Variants in PARD3B observed in about 807,000 individuals in gnomAD.
The protein encoded by PARD3B is partitioning defective 3 homolog B.
PARD3B carries 103 observed loss-of-function variants against 130.2 expected under a neutral mutation model. The observed-to-expected ratio is 0.79, with a 90% CI of 0.67 to 0.93. The LOEUF (loss-of-function observed/expected upper bound fraction) is 0.93, where lower values mean the gene tolerates loss of function less well. Among genes scored for constraint, PARD3B ranks in the 40% least tolerant of loss-of-function variants. The probability of loss-of-function intolerance (pLI) is 0.00; values close to 1 mark genes in which losing one functional copy is unlikely to be tolerated. For synonymous variants in PARD3B, 583 were observed against 553.2 expected (o/e 1.05, Z -0.76); for missense variants, 1,609 against 1,499.2 (o/e 1.07, Z -1.21).
At position 205,460,432 on chromosome 2, in the gene PARD3B, ATG is replaced by A. The variant is rs2048413627; in HGVS notation, c.3044+19761_3044+19762del. ...GATGATGATGATGATGATGATGATG[ATG>A]ATAGTCAATAGTAGTATTTATTGTA... On this transcript the variant is annotated intron_variant, in intron 20 of 22. Coordinates refer to ENST00000406610, the MANE Select transcript of PARD3B (RefSeq NM_001302769.2). The surrounding 1 kb of genome is among the most constrained non-coding windows in gnomAD (Gnocchi z 4.9). Among the ~76,000 whole-genome samples, 1 of 151,214 alleles carries A rather than the reference ATG, an allele frequency of 6.6e-6. No homozygotes were observed. The highest frequency in any genetic ancestry group is 6.6e-5 in the Admixed American group (1 of 15,202).
intron 22 of PARD3B, among the ~76,000 whole-genome samples, chr2:205,604,593 G>A (rs961603258): frequency 2.0e-5 from 3 of 152,136 alleles, no homozygotes; most frequent in Non-Finnish European, 2.9e-5. Flanking sequence ...TCTGAGAGGC[G>A]TTCTTTTGTA....
rs539269342 is a variant in PARD3B, at chr2:205,463,308, G to T, written c.3044+22636G>T. 6.6e-6 allele frequency among the ~76,000 whole-genome samples: 1 copy of T among 152,276 alleles called. No homozygotes were observed. The highest frequency in any genetic ancestry group is 2.4e-5 in the African/African-American group (1 of 41,558). ...TCAGTTAGGGGAACTCAGCTGAGGT[G>T]AGGAACACGTCCACGAGTTTCCCCT... On this transcript the variant is annotated intron_variant, in intron 20 of 22. Coordinates refer to ENST00000406610, the MANE Select transcript of PARD3B (RefSeq NM_001302769.2). This position sits in a 1 kb window ranked among gnomAD's most constrained non-coding sequence, Gnocchi z 4.8.
intron 2 of PARD3B, among the ~76,000 whole-genome samples, chr2:204,699,456 C>T (rs1015144182): frequency 1.3e-5 from 2 of 152,040 alleles, no homozygotes; most frequent in African/African-American, 4.8e-5. Context: ...CAGAACATGC[C>T]ACTCTTCCCT....
At chr2:205,296,538 G>C (rs1046935168) in intron 16 of PARD3B, among the ~76,000 whole-genome samples, 1 of 152,122 alleles carries the variant, frequency 6.6e-6, no homozygotes, top group African/African-American at 2.4e-5. Context: ...CAGTTTCATA[G>C]TGGCACCTCT....
chr2:204,975,395 C>G (rs1692059760), intron 3 of PARD3B, among the ~76,000 whole-genome samples: 1 of 152,234 alleles, frequency 6.6e-6, no homozygotes, highest in East Asian at 1.9e-4. Context: ...ACACGATCTG[C>G]AAGGACCTAA....
intron 21 of PARD3B, among the ~76,000 whole-genome samples, chr2:205,546,204 G>A (rs149684992): frequency 3.9e-5 from 6 of 152,138 alleles, no homozygotes; most frequent in Admixed American, 2.6e-4. Context: ...CGTGCAAGGC[G>A]CACCAAGGTA....
chr2:205,255,248 A>C (rs1346590685), intron 16 of PARD3B, among the ~76,000 whole-genome samples: 3 of 151,932 alleles, frequency 2.0e-5, no homozygotes, highest in Non-Finnish European at 4.4e-5. Flanking sequence ...CTATTCTTTC[A>C]CACTTTCTTG....
At chr2:204,771,029 G>T (rs1480242118) in intron 2 of PARD3B, among the ~76,000 whole-genome samples, 1 of 152,064 alleles carries the variant, frequency 6.6e-6, no homozygotes, top group Non-Finnish European at 1.5e-5. Context: ...TTATTGTTTA[G>T]CAAATCGCTG....
Position 205,615,547 on chromosome 2 carries a change from C to A in PARD3B, c.3352C>A (p.Pro1118Thr), listed in dbSNP as rs2055398444. 6.2e-7 allele frequency: 1 copy of A among 1,614,064 alleles called. No individual in the cohort carries two copies. Among genetic ancestry groups the A allele is most frequent in the Non-Finnish European group, 8.5e-7 (1 of 1,180,018 alleles). The change falls in exon 23 of 23, where the codon CCT (proline) becomes ACT (threonine). Residue 1118 changes from proline to threonine, a missense_variant. Physicochemically the swap from Pro to Thr is conservative, Grantham distance 38. Transcript: ENST00000406610. ...GCTTCCCTATTATCCAGGGGCTCAT[C>A]CTATGCACCCTCCCAAAGGGAGCTA... ...RELPYYPGAH[P>T]MHPPKGSYPR...
At chr2:204,709,976 G>C (rs939623259) in intron 2 of PARD3B, among the ~76,000 whole-genome samples, 1 of 152,114 alleles carries the variant, frequency 6.6e-6, no homozygotes, top group African/African-American at 2.4e-5. Context: ...ATTAAATATT[G>C]TTTAACCTTC....
chr2:205,044,268 G>C (rs569187168), intron 3 of PARD3B, among the ~76,000 whole-genome samples: 2 of 147,164 alleles, frequency 1.4e-5, no homozygotes, highest in African/African-American at 2.5e-5. Flanking sequence ...ATAAACATAC[G>C]TGTGCATGTG....
At chr2:204,713,218 A>G (rs1177711570) in intron 2 of PARD3B, among the ~76,000 whole-genome samples, 1 of 151,970 alleles carries the variant, frequency 6.6e-6, no homozygotes, top group African/African-American at 2.4e-5. Flanking sequence ...ATAGGAGGCT[A>G]TTTACTGGAA....
chr2:204,727,679 A>G (rs1251336026), intron 2 of PARD3B, among the ~76,000 whole-genome samples: 2 of 152,292 alleles, frequency 1.3e-5, no homozygotes, highest in East Asian at 3.9e-4. Context: ...GGGTGGCTGA[A>G]TACACGTATT....
chr2:205,533,923 A>G (rs532491850), intron 21 of PARD3B, among the ~76,000 whole-genome samples: 67 of 152,206 alleles, frequency 4.4e-4, no homozygotes, highest in African/African-American at 1.6e-3. Flanking sequence ...GATGAAGAAA[A>G]TCACTAGGCA....
intron 2 of PARD3B, among the ~76,000 whole-genome samples, chr2:204,690,833 C>G (rs976339664): frequency 6.6e-6 from 1 of 152,098 alleles, no homozygotes; most frequent in African/African-American, 2.4e-5. Flanking sequence ...TTCATATTGA[C>G]TGGGCATTGA....
chr2:204,832,424 T>C (rs1359996787), intron 2 of PARD3B, among the ~76,000 whole-genome samples: 1 of 152,162 alleles, frequency 6.6e-6, no homozygotes, highest in Non-Finnish European at 1.5e-5. Flanking sequence ...TGAAGGAACA[T>C]TGAATCATCG....
intron 20 of PARD3B, among the ~76,000 whole-genome samples, chr2:205,480,093 T>G (rs891883956): frequency 6.6e-6 from 1 of 151,972 alleles, no homozygotes; most frequent in Non-Finnish European, 1.5e-5. Context: ...TTAGTAGAGA[T>G]GGGGTTTCAC....
chr2:205,530,076 G>A lies in PARD3B; in HGVS notation c.3181-23248G>A, dbSNP rs1258317947. ...CTGTGAAGAGTAAGAAATGCTATCC[G>A]TAGGGTATGCACATTCCCACCACAA... On this transcript the variant is annotated intron_variant, in intron 21 of 22. Transcript: ENST00000406610. This position sits in a 1 kb window ranked among gnomAD's most constrained non-coding sequence, Gnocchi z 4.7. Among the ~76,000 whole-genome samples, 4 of 152,138 alleles carry A rather than the reference G, an allele frequency of 2.6e-5. No homozygotes were observed. Among genetic ancestry groups the A allele is most frequent in the East Asian group, 1.9e-4 (1 of 5,192 alleles).
chr2:205,115,341 G>T, intron 6 of PARD3B, among the ~76,000 whole-genome samples: 1 of 152,142 alleles, frequency 6.6e-6, no homozygotes, highest in Admixed American at 6.5e-5. Context: ...ATAACCTTGA[G>T]CAAGTCCCCT....
Sources: gnomAD v4.1 joint callset for allele counts (sites outside exome capture counted in the v4.1 genomes callset) on GRCh38, gnomAD v4.1.1 for gene constraint, Gnocchi (gnomAD v3.1) non-coding constraint, MANE v1.5 for transcripts, NCBI Gene and HGNC (gene_info 2026-07-23, HGNC 2026-07-21) for gene names.